THEMIS: variants seen among roughly 807,000 people sequenced by gnomAD.
THEMIS encodes the protein thymocyte selection associated, also known as protein THEMIS.
A neutral mutation model predicts 52.6 loss-of-function variants in THEMIS; 37 were observed. That is an observed-to-expected ratio of 0.70 (90% CI 0.54 to 0.93). The LOEUF is 0.93. Among genes scored for constraint, THEMIS ranks in the 40% least tolerant of loss-of-function variants. The probability of loss-of-function intolerance (pLI) is 0.00; values close to 1 mark genes in which losing one functional copy is unlikely to be tolerated. For missense variants in THEMIS, 808 were observed against 763.1 expected (o/e 1.06, Z -0.69); for synonymous variants, 292 against 272.7 (o/e 1.07, Z -0.70).
chr6:127,767,736 T>C lies in THEMIS; in HGVS notation c.1758+45147A>G, dbSNP rs72967603. Among the ~76,000 whole-genome samples, 396 of 152,258 alleles carry C rather than the reference T, an allele frequency of 2.6e-3. 1 individual carries two copies. The highest frequency in any genetic ancestry group is 4.3e-3 in the Non-Finnish European group (293 of 68,006). On this transcript the variant is annotated intron_variant, in intron 4 of 5. Coordinates refer to ENST00000368248, the MANE Select transcript of THEMIS (RefSeq NM_001010923.3). ...AAATGTATATTATAAACCATTGATA[T>C]TGTCATTTCTTATCATTATCGAGTT...
At chr6:127,849,523 A>G (rs975583803) in intron 2 of THEMIS, among the ~76,000 whole-genome samples, 8 of 151,998 alleles carry the variant, frequency 5.3e-5, no homozygotes, top group Non-Finnish European at 1.0e-4. Flanking sequence ...CCAAAACAAC[A>G]TAGTACTTGT....
chr6:127,907,356 T>TTTTTTTTTTTTTTTTTTTTC, intron 1 of THEMIS, among the ~76,000 whole-genome samples: 1 of 137,500 alleles, frequency 7.3e-6, no homozygotes, highest in African/African-American at 2.7e-5. Flanking sequence ...TTTTTTTTTT[T>TTTTTTTTTTTTTTTTTTTTC]TTTTTTTTTT....
chr6:127,814,289 T>C lies in THEMIS; in HGVS notation c.710-358A>G, dbSNP rs140795863. Among the ~76,000 whole-genome samples the C allele has an allele frequency of 1.8e-3, 275 of 152,324 alleles. 3 individuals are homozygous for C. The highest frequency in any genetic ancestry group is 1.1e-3 in the Non-Finnish European group (77 of 68,030). ...ATTTATACTTTTATCATCCATAACA[T>C]ACATGAATATAGATATGTGTGTGAA... On this transcript the variant is annotated intron_variant, in intron 3 of 5. Coordinates refer to ENST00000368248, the MANE Select transcript of THEMIS (RefSeq NM_001010923.3).
intron 4 of THEMIS, among the ~76,000 whole-genome samples, chr6:127,771,452 C>A (rs899817116): frequency 6.6e-6 from 1 of 152,034 alleles, no homozygotes; most frequent in Non-Finnish European, 1.5e-5. Context: ...GCCCATATTG[C>A]CAAGACAATC....
intron 3 of THEMIS, among the ~76,000 whole-genome samples, chr6:127,815,931 G>C (rs1393132051): frequency 6.6e-6 from 1 of 152,122 alleles, no homozygotes. Flanking sequence ...GGGTGCTGTG[G>C]GCTGGGAATA....
At chr6:127,910,767 G>A (rs1781392545) in intron 1 of THEMIS, among the ~76,000 whole-genome samples, 2 of 152,220 alleles carry the variant, frequency 1.3e-5, no homozygotes, top group African/African-American at 4.8e-5. Flanking sequence ...TCACAATGTA[G>A]AAGCCAATAT....
chr6:127,773,874 A>G (rs762630945), intron 4 of THEMIS, among the ~76,000 whole-genome samples: 1 of 152,238 alleles, frequency 6.6e-6, no homozygotes, highest in African/African-American at 2.4e-5. Context: ...AATGGCTTAT[A>G]TTAGAGGCCC....
chr6:127,858,556 T>A, intron 1 of THEMIS, among the ~76,000 whole-genome samples: 1 of 152,092 alleles, frequency 6.6e-6, no homozygotes, highest in East Asian at 1.9e-4. Flanking sequence ...AAAATATATT[T>A]TTTCCTTCTT....
chr6:127,805,326 T>G lies in THEMIS; in HGVS notation c.1758+7557A>C, dbSNP rs570756333. On this transcript the variant is annotated intron_variant, in intron 4 of 5. Coordinates refer to ENST00000368248, the MANE Select transcript of THEMIS (RefSeq NM_001010923.3). ...CTTAATTAAGTATTGCTTAGAAAGTTTCTAAGACATCATGATTATACTGAA... is the reference window on the plus strand; with the variant it reads ...CTTAATTAAGTATTGCTTAGAAAGTGTCTAAGACATCATGATTATACTGAA... 3.9e-5 allele frequency among the ~76,000 whole-genome samples: 6 copies of G among 152,244 alleles called. No homozygotes were observed. The East Asian group carries it at 9.7e-4, about 25-fold the overall frequency.
At chr6:127,778,775 G>T (rs1176619620) in intron 4 of THEMIS, among the ~76,000 whole-genome samples, 1 of 149,632 alleles carries the variant, frequency 6.7e-6, no homozygotes, top group Non-Finnish European at 1.5e-5. Flanking sequence ...ACTTCATCCA[G>T]TTCGACTATA....
At chr6:127,771,505 G>A (rs903455540) in intron 4 of THEMIS, among the ~76,000 whole-genome samples, 4 of 152,022 alleles carry the variant, frequency 2.6e-5, no homozygotes, top group Non-Finnish European at 4.4e-5. Context: ...ACTACCTGAC[G>A]TCAAACTATA....
chr6:127,749,527 G>C (rs1417736612), intron 4 of THEMIS, among the ~76,000 whole-genome samples: 1 of 151,936 alleles, frequency 6.6e-6, no homozygotes, highest in African/African-American at 2.4e-5. Flanking sequence ...AATTTTTGCT[G>C]TGTGTGCTGT....
chr6:127,829,634 A>T lies in THEMIS; in HGVS notation c.551T>A (p.Leu184Gln), dbSNP rs1191991140. Residue 184 changes from leucine to glutamine, a missense_variant, in exon 3 of 6, where the codon CTA becomes CAA. By Grantham distance (113) the Leu-to-Gln change is moderately radical. Coordinates refer to ENST00000368248, the MANE Select transcript of THEMIS (RefSeq NM_001010923.3). ...YECEDERIYT[L>Q]KEIVEWKIPK... is the part of the protein sequence containing the mutation. ...AATCTTCCATTCAACAATCTCCTTT[A>T]GAGTGTAAATACGTTCATCTTCACA... The T allele has an allele frequency of 1.9e-6, 3 of 1,613,976 alleles. No individual in the cohort carries two copies. Among genetic ancestry groups the T allele is most frequent in the African/African-American group, 1.3e-5 (1 of 74,932 alleles).
At chr6:127,833,864 A>G (rs1403280698) in intron 2 of THEMIS, among the ~76,000 whole-genome samples, 1 of 152,240 alleles carries the variant, frequency 6.6e-6, no homozygotes, top group Non-Finnish European at 1.5e-5. Context: ...AAAAGCCACA[A>G]GAAACATGTG....
At chr6:127,750,932 T>G (rs985410944) in intron 4 of THEMIS, among the ~76,000 whole-genome samples, 1 of 151,666 alleles carries the variant, frequency 6.6e-6, no homozygotes, top group African/African-American at 2.4e-5. Flanking sequence ...AGTTGAGAGA[T>G]CTTATCATCT....
intron 1 of THEMIS, among the ~76,000 whole-genome samples, chr6:127,861,757 C>T (rs1157140694): frequency 2.3e-5 from 3 of 131,488 alleles, no homozygotes; most frequent in African/African-American, 9.0e-5. Flanking sequence ...GCACTCCAGC[C>T]TGGGTGACAC....
intron 4 of THEMIS, among the ~76,000 whole-genome samples, chr6:127,804,827 C>T (rs1419383389): frequency 6.6e-6 from 1 of 152,020 alleles, no homozygotes; most frequent in African/African-American, 2.4e-5. Flanking sequence ...TTAATTACAA[C>T]TTTTAAAAGC....
At chr6:127,887,212 G>C (rs970240749) in intron 1 of THEMIS, among the ~76,000 whole-genome samples, 49 of 152,120 alleles carry the variant, frequency 3.2e-4, no homozygotes, top group African/African-American at 1.1e-3. Flanking sequence ...TTAAAAATGG[G>C]TGAATGATTT....
intron 2 of THEMIS, among the ~76,000 whole-genome samples, chr6:127,833,585 A>G (rs1158644952): frequency 6.6e-6 from 1 of 152,130 alleles, no homozygotes; most frequent in Non-Finnish European, 1.5e-5. Context: ...TGAGAATAAC[A>G]TGTTTATGGG....
Sources: allele counts gnomAD v4.1 joint callset (sites outside exome capture counted in the v4.1 genomes callset), GRCh38; gene constraint gnomAD v4.1.1; transcripts MANE v1.5; gene names NCBI Gene and HGNC (gene_info 2026-07-23, HGNC 2026-07-21).